Variants in BEND2 observed in about 807,000 individuals in gnomAD.
The protein encoded by BEND2 is BEN domain-containing protein 2.
A neutral mutation model predicts 43.8 loss-of-function variants in BEND2; 19 were observed. The ratio of observed to expected loss-of-function variants is 0.43; its 90% CI spans 0.30 to 0.64. The LOEUF is 0.64. Ranked by LOEUF, BEND2 falls within the 30% of genes least tolerant of loss-of-function variation. BEND2 has a pLI of 0.11. For synonymous variants in BEND2, 226 were observed against 210.1 expected (o/e 1.08, Z -0.66); for missense variants, 544 against 574.0 (o/e 0.95, Z 0.53).
chrX:18,201,784 C>G, intron 6 of BEND2, 31 bp downstream of exon 6: 1 of 1,185,252 alleles, frequency 8.4e-7, no homozygotes, highest in South Asian at 1.9e-5. Context: ...TGAGCCACCA[C>G]GCCCAGCATT....
chrX:18,170,885 A>G, intron 13 of BEND2, 116 bp downstream of exon 13: 1 of 1,135,407 alleles, frequency 8.8e-7, no homozygotes, highest in South Asian at 2.0e-5. Context: ...GCACTCAGTA[A>G]TTACTAAGTT....
In BEND2 at chrX:18,164,949, G is replaced by T; in HGVS notation, c.*60C>A. The T allele has an allele frequency of 2.7e-6, 3 of 1,116,409 alleles. No homozygotes were observed. Among genetic ancestry groups the T allele is most frequent in the Non-Finnish European group, 3.6e-6 (3 of 837,171 alleles). 92.0% of individuals were successfully genotyped at this position (1,116,409 alleles called of 1,213,427 possible). ...CAGGCTGATTTTGGAATTAGAACTT[G>T]AGAAACTTACAAAATAGTCTTAACA... On this transcript the variant is annotated 3_prime_UTR_variant, in exon 14 of 14. Coordinates refer to ENST00000380033, the MANE Select transcript of BEND2 (RefSeq NM_153346.5).
chrX:18,186,402 G>A (rs1485096300), intron 8 of BEND2, among the ~76,000 whole-genome samples: 2 of 103,345 alleles, frequency 1.9e-5, no homozygotes, highest in Non-Finnish European at 3.9e-5. Context: ...AGGTTGCAGT[G>A]AGCCGAGATT....
At chrX:18,192,779 C>T (rs912275479) in intron 7 of BEND2, among the ~76,000 whole-genome samples, 2 of 111,906 alleles carry the variant, frequency 1.8e-5, no homozygotes, top group African/African-American at 3.2e-5. Context: ...AATTAAGGAC[C>T]ACTCATACAT....
At chrX:18,207,883 G>C (rs1343209336) in intron 4 of BEND2, among the ~76,000 whole-genome samples, 1 of 111,494 alleles carries the variant, frequency 9.0e-6, no homozygotes, top group Non-Finnish European at 1.9e-5. Flanking sequence ...GCCGGGTGTG[G>C]TGGCGCACGC....
Position 18,174,276 on chromosome X carries a change from C to T in BEND2, c.1753-18G>A. Reference sequence around the variant, plus strand: ...ACAGTTTTCTGTTGAAACACAAAATCATATCCGTAAACAAAGTCCCACAGC... The same window carrying T: ...ACAGTTTTCTGTTGAAACACAAAATTATATCCGTAAACAAAGTCCCACAGC... On this transcript the variant is annotated intron_variant, in intron 11 of 13. Coordinates refer to ENST00000380033, the MANE Select transcript of BEND2 (RefSeq NM_153346.5). 1 of 1,185,002 alleles carries T rather than the reference C, an allele frequency of 8.4e-7. No homozygotes were observed. The highest frequency in any genetic ancestry group is 1.1e-6 in the Non-Finnish European group (1 of 871,722).
chrX:18,178,394 T>A (rs1040903442), intron 9 of BEND2, among the ~76,000 whole-genome samples: 2 of 111,683 alleles, frequency 1.8e-5, no homozygotes, highest in African/African-American at 6.5e-5. Context: ...AGGAGATAAG[T>A]TATTTGAAAA....
At chrX:18,197,325 T>C (rs897128161) in intron 6 of BEND2, among the ~76,000 whole-genome samples, 4 of 110,879 alleles carry the variant, frequency 3.6e-5, no homozygotes, top group African/African-American at 1.3e-4. Context: ...TTCCAGCTAC[T>C]TGGGAGGCTG....
intron 12 of BEND2, among the ~76,000 whole-genome samples, chrX:18,171,581 C>T (rs1044165912): frequency 1.8e-5 from 2 of 111,306 alleles, no homozygotes; most frequent in Admixed American, 1.9e-4. Context: ...CAGGTTTAAA[C>T]GACCCTCCTG....
intron 12 of BEND2, 133 bp downstream of exon 12, chrX:18,173,897 C>T: frequency 1.8e-6 from 1 of 546,439 alleles, no homozygotes; most frequent in Non-Finnish European, 2.9e-6. Flanking sequence ...AATTATTTCA[C>T]TTTCTGATGA....
rs184258025 is a variant in BEND2, at chrX:18,187,618, T to C, written c.1288+3383A>G. Among the ~76,000 whole-genome samples the C allele has an allele frequency of 6.6e-3, 734 of 112,030 alleles. 6 individuals are homozygous for C. Among genetic ancestry groups the C allele is most frequent in the African/African-American group, 0.023 (709 of 30,905 alleles). ...AATATTAACAAAGAAAGATCAGATT[T>C]AATCTGTACTATAGACCAAATGGGT... On this transcript the variant is annotated intron_variant, in intron 8 of 13. Transcript: ENST00000380033.
At chrX:18,198,965 C>T (rs752976243) in intron 6 of BEND2, among the ~76,000 whole-genome samples, 132 of 101,883 alleles carry the variant, frequency 1.3e-3, no homozygotes, top group African/African-American at 4.6e-3. Flanking sequence ...AAAAACCAAA[C>T]GCCGGATGTT....
At chrX:18,166,822 C>T (rs1204359046) in intron 13 of BEND2, among the ~76,000 whole-genome samples, 10 of 110,050 alleles carry the variant, frequency 9.1e-5, no homozygotes, top group Non-Finnish European at 1.9e-4. Context: ...CCCGGGAAGT[C>T]GAGTCTGCAG....
At chrX:18,187,361 T>C in intron 8 of BEND2, among the ~76,000 whole-genome samples, 1 of 111,556 alleles carries the variant, frequency 9.0e-6, no homozygotes, top group Non-Finnish European at 1.9e-5. Flanking sequence ...TCAAACAAAA[T>C]AGATTTCAAG....
chrX:18,210,908 A>T (rs1341735421), intron 4 of BEND2, among the ~76,000 whole-genome samples: 2 of 112,169 alleles, frequency 1.8e-5, no homozygotes, highest in African/African-American at 6.5e-5. Flanking sequence ...TTGTTTCAAA[A>T]TACATGATAA....
At chrX:18,180,075 G>T (rs1342125713) in intron 9 of BEND2, among the ~76,000 whole-genome samples, 1 of 112,706 alleles carries the variant, frequency 8.9e-6, no homozygotes, top group Non-Finnish European at 1.9e-5. Flanking sequence ...TACTTGGGAG[G>T]CTAAGGCAGA....
At chrX:18,194,676 T>C (rs2147414094) in intron 7 of BEND2, among the ~76,000 whole-genome samples, 1 of 111,621 alleles carries the variant, frequency 9.0e-6, no homozygotes, top group South Asian at 3.7e-4. Context: ...GAATAAACTA[T>C]TAATAGAAAA....
chrX:18,205,267 T>C (rs778797547), intron 4 of BEND2, among the ~76,000 whole-genome samples: 3 of 110,524 alleles, frequency 2.7e-5, no homozygotes, highest in Non-Finnish European at 5.7e-5. Context: ...AAACATGGAC[T>C]GAAAGAAAGC....
chrX:18,191,186 T>A, intron 7 of BEND2, 78 bp from the exon 8 acceptor site: 1 of 775,120 alleles, frequency 1.3e-6, no homozygotes, highest in Non-Finnish European at 1.9e-6. Flanking sequence ...GTTTTTTAGA[T>A]CAGGTGAAAC....
Sources: allele counts gnomAD v4.1 joint callset (sites outside exome capture counted in the v4.1 genomes callset), GRCh38; gene constraint gnomAD v4.1.1; transcripts MANE v1.5; gene names NCBI Gene and HGNC (gene_info 2026-07-23, HGNC 2026-07-21).